Variants in LIG4 observed in about 807,000 individuals in gnomAD.
LIG4 encodes the protein DNA ligase 4, also known as DNA joinase.
In LIG4, 13 loss-of-function variants were observed where a neutral mutation model predicts 19.0. The observed-to-expected ratio is 0.68, with a 90% CI of 0.44 to 1.09. LIG4 has a LOEUF of 1.09. Ranked by LOEUF, LIG4 falls within the 50% of genes least tolerant of loss-of-function variation. The pLI is 0.00. For synonymous variants in LIG4, 361 were observed against 358.2 expected, an observed-to-expected ratio of 1.01 and a Z score of -0.09; for missense variants, 1,026 against 1,089.7, an observed-to-expected ratio of 0.94 and a Z score of 0.82.
chr13:108,215,333 G>A (rs1452429717), intron 1 of LIG4, among the ~76,000 whole-genome samples, 151 bp downstream of exon 1: 1 of 91,538 alleles, frequency 1.1e-5, no homozygotes, highest in Non-Finnish European at 2.2e-5. Flanking sequence ...CCTTCCCCCG[G>A]TCTGTTGCCC....
At position 108,208,305 on chromosome 13, in the gene LIG4, C is replaced by T; in HGVS notation, c.*228G>A. 2.3e-6 allele frequency: 1 copy of T among 441,368 alleles called. No individual in the cohort carries two copies. 27.3% of individuals were successfully genotyped at this position (441,368 alleles called of 1,614,324 possible). A position where few individuals can be genotyped will look rare whatever the true frequency, so the allele number is the denominator to read the frequency against. ...TTTAGACTGTTTATTTCACCTTGAT[C>T]ATAAAAAATCATTGAATACTACATT... On this transcript the variant is annotated 3_prime_UTR_variant, in exon 3 of 3. Transcript: ENST00000442234.
chr13:108,208,967 C>G lies in LIG4; in HGVS notation c.2302G>C (p.Asp768His). 6.2e-7 allele frequency: 1 copy of G among 1,614,096 alleles called. No homozygotes were observed. The highest frequency in any genetic ancestry group is 1.1e-5 in the South Asian group (1 of 91,074). ...TCCTTCAGTTGGTTCAAGTCTGTAT[C>G]AATGAAATAACTATCACCATAGCAA... ...YDCYGDSYFIDTDLNQLKEVF... is the reference protein window; with the variant it reads ...YDCYGDSYFIHTDLNQLKEVF... Residue 768 changes from aspartate (D) to histidine (H), a missense_variant, in exon 3 of 3, where the codon GAT (aspartate) becomes CAT (histidine). By Grantham distance (81) the Asp-to-His change is moderately conservative (BLOSUM62 -1). This residue lies in a region of LIG4 where 521 missense variants were observed against 515.5 expected (regional missense o/e 1.01). Coordinates refer to ENST00000442234, the MANE Select transcript of LIG4 (RefSeq NM_206937.2).
rs981096741 is a variant in LIG4, at chr13:108,209,035, T to A, written c.2234A>T (p.His745Leu). 2 of 1,614,032 alleles carry A rather than the reference T, an allele frequency of 1.2e-6. No individual in the cohort carries two copies. The highest frequency in any genetic ancestry group is 2.7e-5 in the African/African-American group (2 of 74,952). Reference sequence around the variant, plus strand: ...ATGTTCTTTGGTTGATGGGCACATATGAATCATAAAGCGAGGCTGCCATGG... The same window carrying A: ...ATGTTCTTTGGTTGATGGGCACATAAGAATCATAAAGCGAGGCTGCCATGG... ...FVPWQPRFMI[H>L]MCPSTKEHFA... The change falls in exon 3 of 3, where the codon CAT (histidine) becomes CTT (leucine). Residue 745 changes from histidine (H) to leucine (L), a missense_variant. Physicochemically the swap from His to Leu is moderately conservative, Grantham distance 99. Transcript: ENST00000442234.
rs1168554814 is a variant in LIG4 at position 108,209,658 on chromosome 13, G to A, written c.1611C>T (p.Ser537=). ...KPFHRKAPPS[S]ILCGTEKPEV... Reference sequence around the variant, plus strand: ...CTGGCTTCTCTGTTCCACATAAAATGCTGCTTGGTGGAGCTTTTCTATGAA... The same window carrying A: ...CTGGCTTCTCTGTTCCACATAAAATACTGCTTGGTGGAGCTTTTCTATGAA... Residue 537 remains serine (S), a synonymous_variant, in exon 3 of 3, where the codon AGC becomes AGT. Coordinates refer to ENST00000442234, the MANE Select transcript of LIG4 (RefSeq NM_206937.2). 6.2e-7 allele frequency: 1 copy of A among 1,614,118 alleles called. No homozygotes were observed. The highest frequency in any genetic ancestry group is 1.1e-5 in the South Asian group (1 of 91,088).
At position 108,209,262 on chromosome 13, in the gene LIG4, TC is replaced by T; in HGVS notation, c.2006del (p.Gly669GlufsTer21). On this transcript the variant is annotated frameshift_variant, in exon 3 of 3. Coordinates refer to ENST00000442234, the MANE Select transcript of LIG4 (RefSeq NM_206937.2). LOFTEE classifies it low-confidence loss of function (END_TRUNC). Reference sequence around the variant, plus strand: ...GGTCAGGCTTTGGCTGGCTATCTGTTCCACTCATAACACAAAACTCTACATC... The same window carrying T: ...GGTCAGGCTTTGGCTGGCTATCTGTTCACTCATAACACAAAACTCTACATC... ...FEDVEFCVMS[G>X]TDSQPKPDLE... 1 of 1,614,178 alleles carries T rather than the reference TC, an allele frequency of 6.2e-7. No homozygotes were observed. The highest frequency in any genetic ancestry group is 8.5e-7 in the Non-Finnish European group (1 of 1,179,998).
chr13:108,209,540 G>C lies in LIG4; in HGVS notation c.1729C>G (p.Arg577Gly). Residue 577 changes from arginine to glycine, a missense_variant, in exon 3 of 3, where the codon CGT (arginine) becomes GGT (glycine). Coordinates refer to ENST00000442234, the MANE Select transcript of LIG4 (RefSeq NM_206937.2). ...SDMYKTGCTL[R>G]FPRIEKIRDD... ...CTTATCTTTTCAATTCGTGGAAAAC[G>C]CAAGGTGCAGCCAGTTTTATACATA... The C allele has an allele frequency of 1.2e-6, 2 of 1,614,102 alleles. No homozygotes were observed. The highest frequency in any genetic ancestry group is 2.2e-5 in the South Asian group (2 of 91,078).
chr13:108,210,939 T>C lies in LIG4; in HGVS notation c.330A>G (p.Leu110=). The C allele has an allele frequency of 6.2e-7, 1 of 1,613,902 alleles. No individual in the cohort carries two copies. The highest frequency in any genetic ancestry group is 8.5e-7 in the Non-Finnish European group (1 of 1,179,928). ...PRDGKDALKL[L]NYRTPTGTHG... Reference sequence around the variant, plus strand: ...GAGTTCCAGTGGGTGTTCTGTAGTTTAAAAGTTTGAGGGCATCTTTTCCAT... The same window carrying C: ...GAGTTCCAGTGGGTGTTCTGTAGTTCAAAAGTTTGAGGGCATCTTTTCCAT... Residue 110 remains leucine, a synonymous_variant, in exon 3 of 3, where the codon TTA becomes TTG. Transcript: ENST00000442234.
chr13:108,210,592 C>T lies in LIG4; in HGVS notation c.677G>A (p.Arg226Lys), dbSNP rs1317895687. The T allele has an allele frequency of 6.2e-7, 1 of 1,613,326 alleles. No homozygotes were observed. Among genetic ancestry groups the T allele is most frequent in the African/African-American group, 1.3e-5 (1 of 75,014 alleles). The stretch of plus-strand genomic sequence containing the variant: ...TCCTACAGAAGGATCATGCAGTTGC[C>T]TACAGACTTTTTCCAGATCTGTAGT... The part of the protein sequence containing the change: ...NVTTDLEKVC[R>K]QLHDPSVGLS... The change falls in exon 3 of 3, where the codon AGG (arginine) becomes AAG (lysine). Residue 226 changes from arginine (R) to lysine (K), a missense_variant. By Grantham distance (26) the Arg-to-Lys change is conservative. Coordinates refer to ENST00000442234, the MANE Select transcript of LIG4 (RefSeq NM_206937.2).
chr13:108,218,335 TC>T (rs1369122845), upstream of LIG4: 1 of 152,286 alleles, frequency 6.6e-6, no homozygotes, highest in East Asian at 1.9e-4. Flanking sequence ...AGGTATCTTT[TC>T]CGTCCGGGCC....
upstream of LIG4, among the ~76,000 whole-genome samples, chr13:108,217,102 G>A (rs540540789): frequency 7.2e-5 from 11 of 152,172 alleles, no homozygotes; most frequent in Non-Finnish European, 1.2e-4. Context: ...ACCACAGGCC[G>A]GGCCAGTGGC....
chr13:108,209,315 C>T lies in LIG4; in HGVS notation c.1954G>A (p.Val652Ile), dbSNP rs754457967. ...TCAAATATATTAGAAATTTTGTTAA[C>T]GTTAGTAAGGTTAGGTGCTTTTAAG... ...EHLKAPNLTN[V>I]NKISNIFEDV... is the part of the protein sequence containing the mutation. The change falls in exon 3 of 3, where the codon GTT (valine) becomes ATT (isoleucine). Residue 652 changes from valine (V) to isoleucine (I), a missense_variant. Coordinates refer to ENST00000442234, the MANE Select transcript of LIG4 (RefSeq NM_206937.2). The T allele has an allele frequency of 2.2e-5, 35 of 1,613,892 alleles. No individual in the cohort carries two copies. Among genetic ancestry groups the T allele is most frequent in the Middle Eastern group, 1.6e-4 (1 of 6,084 alleles).
chr13:108,214,787 G>C (rs1342318701), intron 1 of LIG4, 177 bp from the exon 2 acceptor site: 2 of 152,052 alleles, frequency 1.3e-5, no homozygotes, highest in Non-Finnish European at 2.9e-5. Context: ...CTGTGGACTC[G>C]GCAACTCCCA....
At position 108,209,893 on chromosome 13, in the gene LIG4, A is replaced by G. The variant is rs1210952424; in HGVS notation, c.1376T>C (p.Met459Thr). 3 of 1,614,144 alleles carry G rather than the reference A, an allele frequency of 1.9e-6. No homozygotes were observed. The highest frequency in any genetic ancestry group is 1.1e-5 in the South Asian group (1 of 91,092). Residue 459 changes from methionine (M) to threonine (T), a missense_variant, in exon 3 of 3, where the codon ATG (methionine) becomes ACG (threonine). By Grantham distance (81) the Met-to-Thr change is moderately conservative. This residue lies in a region of LIG4 where 493 missense variants were observed against 544.5 expected (regional missense o/e 0.91). Transcript: ENST00000442234. ...AACAATTAAAATGTCCAATTCATCC[A>G]TTAGTCCACTGACATACTCTGGTTT... ...KIKPEYVSGL[M>T]DELDILIVGG...
At position 108,210,909 on chromosome 13, in the gene LIG4, T is replaced by C. The variant is rs776309464; in HGVS notation, c.360A>G (p.Gly120=). ...LNYRTPTGTH[G]DAGDFAMIAY... ...CAATCATTGCAAAGTCTCCAGCATC[T>C]CCATGAGTTCCAGTGGGTGTTCTGT... The change falls in exon 3 of 3, where the codon GGA becomes GGG. Residue 120 remains glycine, a synonymous_variant. Transcript: ENST00000442234. 3.7e-6 allele frequency: 6 copies of C among 1,613,920 alleles called. No homozygotes were observed.
chr13:108,211,076 A>G lies in LIG4; in HGVS notation c.193T>C (p.Tyr65His), dbSNP rs1414569397. Residue 65 changes from tyrosine (Y) to histidine (H), a missense_variant, in exon 3 of 3, where the codon TAT becomes CAT. Physicochemically the swap from Tyr to His is moderately conservative, Grantham distance 83 (BLOSUM62 2). Coordinates refer to ENST00000442234, the MANE Select transcript of LIG4 (RefSeq NM_206937.2). ...GGAAGAATTAGTCTCATTGCTGGAT[A>G]AAAAGAGTCTGTGACATCTTTGTGG... ...KNHKDVTDSF[Y>H]PAMRLILPQL... is the part of the protein sequence containing the mutation. 1.9e-6 allele frequency: 3 copies of G among 1,605,868 alleles called. No individual in the cohort carries two copies. Among genetic ancestry groups the G allele is most frequent in the Non-Finnish European group, 2.6e-6 (3 of 1,175,730 alleles).
intron 2 of LIG4, among the ~76,000 whole-genome samples, chr13:108,213,576 GATTAGGACTTCC>G (rs1162423519): frequency 1.2e-4 from 19 of 152,234 alleles, no homozygotes; most frequent in Non-Finnish European, 1.8e-4. Flanking sequence ...AAAAGTCAAA[GATTAGGACTTCC>G]ATTCATTTTT....
In LIG4 at chr13:108,209,409, A is replaced by G. The variant is rs1878333905; in HGVS notation, c.1860T>C (p.Asp620=). 1 of 1,614,038 alleles carries G rather than the reference A, an allele frequency of 6.2e-7. No individual in the cohort carries two copies. The highest frequency in any genetic ancestry group is 1.7e-5 in the Admixed American group (1 of 60,000). The stretch of plus-strand genomic sequence containing the variant: ...TCCGCTTTTTTTCTTGTGGTTCATC[A>G]TCACCACCTATATAAAGGTGTTTAG... ...LASKHLYIGG[D]DEPQEKKRKA... The change falls in exon 3 of 3, where the codon GAT becomes GAC. Residue 620 remains aspartate, a synonymous_variant. Transcript: ENST00000442234.
In LIG4 at chr13:108,209,346, A is replaced by G; in HGVS notation, c.1923T>C (p.Ile641=). The G allele has an allele frequency of 6.2e-7, 1 of 1,614,112 alleles. No individual in the cohort carries two copies. Among genetic ancestry groups the G allele is most frequent in the South Asian group, 1.1e-5 (1 of 91,078 alleles). Residue 641 remains isoleucine, a synonymous_variant, in exon 3 of 3, where the codon ATT becomes ATC. Transcript: ENST00000442234. ...TAAGGTTAGGTGCTTTTAAGTGCTC[A>G]ATAATTCCAATAACTTTCTTCATCT... ...APKMKKVIGI[I]EHLKAPNLTN...
In LIG4 at chr13:108,208,497, C is replaced by A. The variant is rs1466876886; in HGVS notation, c.*36G>T. ...ATTACCACCTGCTGCAATGAGTCTGCCAGATCAGAGGCTTTCCTCACTAGG... is the reference window on the plus strand; with the variant it reads ...ATTACCACCTGCTGCAATGAGTCTGACAGATCAGAGGCTTTCCTCACTAGG... On this transcript the variant is annotated 3_prime_UTR_variant, in exon 3 of 3. Transcript: ENST00000442234. 1.0e-5 allele frequency: 14 copies of A among 1,343,812 alleles called. No individual in the cohort carries two copies. The East Asian group carries it at 3.2e-4, about 31-fold the overall frequency. 83.2% of individuals were successfully genotyped at this position (1,343,812 alleles called of 1,614,324 possible). A position where few individuals can be genotyped will look rare whatever the true frequency, so the allele number is the denominator to read the frequency against.
Sources: allele counts gnomAD v4.1 joint callset (sites outside exome capture counted in the v4.1 genomes callset), GRCh38; gene constraint gnomAD v4.1.1; regional missense constraint gnomAD v4.1.1; transcripts MANE v1.5; gene names NCBI Gene and HGNC (gene_info 2026-07-23, HGNC 2026-07-21).